The following ANGPT2 variants were observed in gnomAD, a reference collection of about 807,000 sequenced individuals.
ANGPT2 encodes angiopoietin-2.
A neutral mutation model predicts 62.9 loss-of-function variants in ANGPT2; 28 were observed. The ratio of observed to expected loss-of-function variants is 0.44; its 90% CI spans 0.33 to 0.61. The LOEUF (loss-of-function observed/expected upper bound fraction) is 0.61. Among genes scored for constraint, ANGPT2 ranks in the 20% least tolerant of loss-of-function variants. The probability of loss-of-function intolerance (pLI) is 0.03; values close to 1 mark genes in which losing one functional copy is unlikely to be tolerated. For synonymous variants in ANGPT2, 284 were observed against 207.8 expected (o/e 1.37, Z -3.15); for missense variants, 727 against 594.9 (o/e 1.22, Z -2.31).
At chr8:6,514,162 G>T (rs755317293) in intron 6 of ANGPT2, among the ~76,000 whole-genome samples, 2 of 152,144 alleles carry the variant, frequency 1.3e-5, no homozygotes, top group South Asian at 2.1e-4. Context: ...CCAAAAAAAT[G>T]CTGAGTCCAC....
At chr8:6,532,226 G>T (rs1288128866) in intron 2 of ANGPT2, 106 bp downstream of exon 2, 9 of 1,276,412 alleles carry the variant, frequency 7.1e-6, no homozygotes, top group Admixed American at 2.1e-5. Flanking sequence ...CTCCTGTGGT[G>T]GTGCTTTCTT....
chr8:6,518,643 T>C (rs974195320), intron 5 of ANGPT2, among the ~76,000 whole-genome samples: 1 of 152,224 alleles, frequency 6.6e-6, no homozygotes, highest in African/African-American at 2.4e-5. Context: ...TTTTAAATAC[T>C]TAGGATAATA....
chr8:6,541,734 T>C (rs1301254510), intron 1 of ANGPT2, among the ~76,000 whole-genome samples: 5 of 152,210 alleles, frequency 3.3e-5, no homozygotes, highest in African/African-American at 1.2e-4. Flanking sequence ...CCGGGCATAG[T>C]GGCTCACTCC....
In ANGPT2 at chr8:6,502,193, A is replaced by C. The variant is rs1812321140; in HGVS notation, c.*908T>G. 1 of 152,166 alleles carries C rather than the reference A, an allele frequency of 6.6e-6. No homozygotes were observed. The highest frequency in any genetic ancestry group is 2.4e-5 in the African/African-American group (1 of 41,452). The allele number at this position is 152,166 out of a possible 1,614,324, so 9.4% of individuals were successfully genotyped here. A position where few individuals can be genotyped will look rare whatever the true frequency, so the allele number is the denominator to read the frequency against. ...TAGAATGAAATGTATAATTTTCCTC[A>C]TCATTAAAAGTAAGAAGTTTCCTTA... On this transcript the variant is annotated 3_prime_UTR_variant, in exon 9 of 9. Coordinates refer to ENST00000629816, the MANE Select transcript of ANGPT2 (RefSeq NM_001118887.2).
intron 4 of ANGPT2, among the ~76,000 whole-genome samples, chr8:6,520,657 A>G (rs2129569118): frequency 6.6e-6 from 1 of 152,210 alleles, no homozygotes; most frequent in African/African-American, 2.4e-5. Context: ...CAGCCTCCCA[A>G]AGTGCTGCAA....
At chr8:6,505,263 T>TATATATGTATACATATATGTTATATAC (rs1563305323) in intron 8 of ANGPT2, among the ~76,000 whole-genome samples, 1 of 78,028 alleles carries the variant, frequency 1.3e-5, no homozygotes, top group African/African-American at 4.6e-5. Context: ...ATATATGTTT[T>TATATATGTATACATATATGTTATATAC]ATATATATGT....
At chr8:6,554,751 C>T (rs941141160) in intron 1 of ANGPT2, among the ~76,000 whole-genome samples, 2 of 152,032 alleles carry the variant, frequency 1.3e-5, no homozygotes, top group Non-Finnish European at 2.9e-5. Flanking sequence ...GAGGAGCCCT[C>T]GGAGGGAGCG....
chr8:6,547,003 C>T (rs374934606), intron 1 of ANGPT2, among the ~76,000 whole-genome samples: 5 of 152,160 alleles, frequency 3.3e-5, no homozygotes, highest in East Asian at 3.9e-4. Context: ...TTTATAACCA[C>T]GGTGTACCTC....
rs1339788408 is a variant in ANGPT2, at chr8:6,501,373, C to T, written c.*1728G>A. ...TGCTAGTTACAGACTGGACTCTGAA[C>T]TTCCTTGCAAATGATTCAGAAAAGA... On this transcript the variant is annotated 3_prime_UTR_variant, in exon 9 of 9. Coordinates refer to ENST00000629816, the MANE Select transcript of ANGPT2 (RefSeq NM_001118887.2). The T allele has an allele frequency of 6.6e-6, 1 of 152,116 alleles. No homozygotes were observed. The highest frequency in any genetic ancestry group is 1.5e-5 in the Non-Finnish European group (1 of 68,020). The allele number at this position is 152,116 out of a possible 1,614,324, so 9.4% of individuals were successfully genotyped here.
chr8:6,509,161 G>C, intron 7 of ANGPT2, 99 bp from the exon 8 acceptor site: 1 of 1,455,972 alleles, frequency 6.9e-7, no homozygotes, highest in Non-Finnish European at 9.3e-7. Context: ...ACAGAAGCGT[G>C]TTCTGTACTC....
At position 6,502,420 on chromosome 8, in the gene ANGPT2, G is replaced by A. The variant is rs976171508; in HGVS notation, c.*681C>T. 6.6e-6 allele frequency: 1 copy of A among 152,100 alleles called. No individual in the cohort carries two copies. Among genetic ancestry groups the A allele is most frequent in the Non-Finnish European group, 1.5e-5 (1 of 68,014 alleles). 9.4% of individuals were successfully genotyped at this position (152,100 alleles called of 1,614,324 possible). A position where few individuals can be genotyped will look rare whatever the true frequency, so the allele number is the denominator to read the frequency against. On this transcript the variant is annotated 3_prime_UTR_variant, in exon 9 of 9. Transcript: ENST00000629816. ...TTCTGTTGATAATTTCAGAGATTCT[G>A]GAAGTTTCTACCATATAAATTTGAA...
At chr8:6,512,069 T>G (rs536615908) in intron 7 of ANGPT2, among the ~76,000 whole-genome samples, 97 of 152,270 alleles carry the variant, frequency 6.4e-4, no homozygotes, top group Non-Finnish European at 1.2e-4. Context: ...AACACCTATC[T>G]TCTCATTCAT....
chr8:6,524,611 GT>G (rs1164454858), intron 3 of ANGPT2, among the ~76,000 whole-genome samples: 23 of 152,304 alleles, frequency 1.5e-4, no homozygotes, highest in Admixed American at 2.6e-4. Flanking sequence ...TGTACGAGGT[GT>G]TTTTTAGGGT....
chr8:6,524,194 A>C (rs1456919361), intron 3 of ANGPT2, among the ~76,000 whole-genome samples: 1 of 152,196 alleles, frequency 6.6e-6, no homozygotes, highest in Admixed American at 6.5e-5. Flanking sequence ...GGGACCTCAT[A>C]TTCCCTTTTT....
chr8:6,540,376 T>A (rs572664367), intron 1 of ANGPT2, among the ~76,000 whole-genome samples: 2 of 152,360 alleles, frequency 1.3e-5, no homozygotes, highest in African/African-American at 2.4e-5. Flanking sequence ...TATGTAAGTT[T>A]AAGGAGACTG....
At chr8:6,515,193 C>G (rs573919495) in intron 5 of ANGPT2, among the ~76,000 whole-genome samples, 4 of 145,038 alleles carry the variant, frequency 2.8e-5, no homozygotes, top group African/African-American at 1.0e-4. Flanking sequence ...AGCCTTGAAA[C>G]CTTTCACTAA....
At chr8:6,533,756 T>C (rs1563081164) in intron 1 of ANGPT2, among the ~76,000 whole-genome samples, 1 of 152,130 alleles carries the variant, frequency 6.6e-6, no homozygotes, top group East Asian at 1.9e-4. Context: ...TGCCCTCCTT[T>C]AAAAACTTAG....
chr8:6,560,495 A>G (rs774459506), intron 1 of ANGPT2, among the ~76,000 whole-genome samples: 4 of 152,122 alleles, frequency 2.6e-5, no homozygotes, highest in Non-Finnish European at 5.9e-5. Flanking sequence ...TTTTGTTTTC[A>G]TTCCCAAGCC....
At chr8:6,534,367 T>C (rs1820125288) in intron 1 of ANGPT2, among the ~76,000 whole-genome samples, 1 of 152,224 alleles carries the variant, frequency 6.6e-6, no homozygotes, top group Non-Finnish European at 1.5e-5. Flanking sequence ...AGATCTACCC[T>C]GTTTTACGGA....
Sources: gnomAD v4.1 joint callset for allele counts (sites outside exome capture counted in the v4.1 genomes callset) on GRCh38, gnomAD v4.1.1 for gene constraint, MANE v1.5 for transcripts, NCBI Gene and HGNC (gene_info 2026-07-23, HGNC 2026-07-21) for gene names.